The following RC3H1 variants were observed in gnomAD, a reference collection of about 807,000 sequenced individuals.
RC3H1 encodes ring finger and CCCH-type domains 1, also known as roquin-1.
A neutral mutation model predicts 138.2 loss-of-function variants in RC3H1; 50 were observed. The ratio of observed to expected loss-of-function variants is 0.36; its 90% CI spans 0.29 to 0.46. The LOEUF (loss-of-function observed/expected upper bound fraction) is 0.46, where lower values mean the gene tolerates loss of function less well. RC3H1 is among the 20% of genes least tolerant of loss of function. The pLI is 1.00. For missense variants in RC3H1, 1,031 were observed against 1,388.1 expected, an observed-to-expected ratio of 0.74 and a Z score of 4.09; for synonymous variants, 462 against 489.1, an observed-to-expected ratio of 0.94 and a Z score of 0.73.
intron 13 of RC3H1, among the ~76,000 whole-genome samples, chr1:173,956,667 TA>T (rs75866304): frequency 0.026 from 2,232 of 84,874 alleles, 50 homozygotes; most frequent in African/African-American, 0.081. Context: ...CTCAAAAAAT[TA>T]AAAAAAAAAA....
intron 1 of RC3H1, among the ~76,000 whole-genome samples, chr1:173,995,545 AAAAG>A (rs1204187886): frequency 2.6e-5 from 4 of 151,962 alleles, no homozygotes; most frequent in African/African-American, 9.7e-5. Context: ...AAAAAAAAAA[AAAAG>A]AAAAAGAAAA....
At chr1:173,999,214 C>A (rs1047177892) in intron 1 of RC3H1, among the ~76,000 whole-genome samples, 8 of 151,928 alleles carry the variant, frequency 5.3e-5, no homozygotes, top group African/African-American at 1.9e-4. Flanking sequence ...CATAGAGAAA[C>A]CCTGTCTCTA....
chr1:173,936,658 A>C lies in RC3H1; in HGVS notation c.*2063T>G, dbSNP rs1658597148. 1 of 147,556 alleles carries C rather than the reference A, an allele frequency of 6.8e-6. No homozygotes were observed. The highest frequency in any genetic ancestry group is 2.0e-4 in the East Asian group (1 of 5,116). 9.1% of individuals were successfully genotyped at this position (147,556 alleles called of 1,614,324 possible). A position where few individuals can be genotyped will look rare whatever the true frequency, so the allele number is the denominator to read the frequency against. On this transcript the variant is annotated 3_prime_UTR_variant, in exon 20 of 20. Coordinates refer to ENST00000367696, the MANE Select transcript of RC3H1 (RefSeq NM_172071.4). ...CTCCCAATAAACAATAGGCATTTAA[A>C]GTGGAAATGTAAAAGGGTTTTAAGT...
intron 1 of RC3H1, among the ~76,000 whole-genome samples, chr1:174,006,590 A>C (rs1250766707): frequency 6.6e-6 from 1 of 152,132 alleles, no homozygotes; most frequent in African/African-American, 2.4e-5. Flanking sequence ...GTAACTTTTT[A>C]TTATACTTTT....
intron 1 of RC3H1, among the ~76,000 whole-genome samples, chr1:174,002,950 C>T (rs1661586757): frequency 6.6e-6 from 1 of 152,246 alleles, no homozygotes; most frequent in South Asian, 2.1e-4. Context: ...ACTTCCAAAT[C>T]TCTCTCTCAA....
intron 19 of RC3H1, 21 bp from the exon 20 acceptor site, chr1:173,938,892 T>C (rs192005604): frequency 1.2e-4 from 194 of 1,555,930 alleles, no homozygotes; most frequent in Non-Finnish European, 4.3e-6. Context: ...TTTAAAATTT[T>C]GAAAAAGGAG....
intron 7 of RC3H1, among the ~76,000 whole-genome samples, chr1:173,974,277 CAAAAAAAAA>C (rs571801899): frequency 6.4e-4 from 30 of 47,202 alleles, no homozygotes; most frequent in African/African-American, 6.7e-4. Flanking sequence ...GAGACTGTCT[CAAAAAAAAA>C]AAAAAAAAAA....
At chr1:173,974,941 T>G (rs114830493) in intron 7 of RC3H1, among the ~76,000 whole-genome samples, 1,550 of 152,214 alleles carry the variant, frequency 0.01, 20 homozygotes, top group African/African-American at 0.034. Flanking sequence ...AATTTGCTAA[T>G]GGATCAGATA....
chr1:173,993,362 T>C (rs977045965), intron 1 of RC3H1, among the ~76,000 whole-genome samples: 6 of 152,024 alleles, frequency 3.9e-5, no homozygotes, highest in African/African-American at 1.4e-4. Flanking sequence ...AAACTTGAAG[T>C]TAATAATAAA....
chr1:174,021,766 G>A (rs992147264), intron 1 of RC3H1, among the ~76,000 whole-genome samples: 1 of 152,186 alleles, frequency 6.6e-6, no homozygotes, highest in African/African-American at 2.4e-5. Flanking sequence ...CCTGGCCCAG[G>A]CCCTGGGAGT....
At chr1:174,006,561 C>T (rs1004332209) in intron 1 of RC3H1, among the ~76,000 whole-genome samples, 1 of 152,188 alleles carries the variant, frequency 6.6e-6, no homozygotes, top group African/African-American at 2.4e-5. Flanking sequence ...AACACCATGC[C>T]TTCCAACTTT....
At chr1:173,949,346 G>A (rs1659283030) in intron 14 of RC3H1, among the ~76,000 whole-genome samples, 1 of 151,770 alleles carries the variant, frequency 6.6e-6, no homozygotes, top group South Asian at 2.1e-4. Flanking sequence ...TAATAGTGAA[G>A]GCATACCTTT....
At chr1:173,969,327 C>G (rs1660252861) in intron 9 of RC3H1, 1 of 150,032 alleles carries the variant, frequency 6.7e-6, no homozygotes, top group Non-Finnish European at 1.5e-5. Context: ...AAACCTACAG[C>G]ACCCAATATT....
At position 173,946,588 on chromosome 1, in the gene RC3H1, T is replaced by C; in HGVS notation, c.2849A>G (p.Glu950Gly). The change falls in exon 17 of 20, where the codon GAA becomes GGA. Residue 950 changes from glutamate to glycine, a missense_variant. Physicochemically the swap from Glu to Gly is moderately conservative, Grantham distance 98 (BLOSUM62 -2). Coordinates refer to ENST00000367696, the MANE Select transcript of RC3H1 (RefSeq NM_172071.4). ...AAGGGGTTTTCCATGACTGGCCACT[T>C]CTGACATAGATATTCTCTCCCTTTG... ...FSERERISMS[E>G]VASHGKPLPS... The C allele has an allele frequency of 6.2e-7, 1 of 1,614,060 alleles. No individual in the cohort carries two copies. The highest frequency in any genetic ancestry group is 8.5e-7 in the Non-Finnish European group (1 of 1,179,982).
chr1:173,983,636 G>A lies in RC3H1; in HGVS notation c.374C>T (p.Thr125Ile), dbSNP rs529359869. The A allele has an allele frequency of 5.6e-6, 9 of 1,614,126 alleles. No homozygotes were observed. In the Admixed American group the frequency reaches 1.2e-4, roughly 21 times the overall value. ...CATTGGGCGACTCAGAACACTCTGA[G>A]TAGTGCTGTTCAGACCCACTCCTTT... Reference protein sequence around the residue: ...SARGVGLNSTTQSVLSRPMQR... With the variant: ...SARGVGLNSTIQSVLSRPMQR... The change falls in exon 4 of 20, where the codon ACT becomes ATT. Residue 125 changes from threonine (T) to isoleucine (I), a missense_variant. Thr to Ile is a moderately conservative substitution (Grantham distance 89). Transcript: ENST00000367696.
At chr1:173,985,446 A>G (rs539445876) in intron 2 of RC3H1, among the ~76,000 whole-genome samples, 1 of 152,330 alleles carries the variant, frequency 6.6e-6, no homozygotes, top group Admixed American at 6.5e-5. Context: ...GTAGAAAGAT[A>G]ATTCTTCTAC....
intron 17 of RC3H1, among the ~76,000 whole-genome samples, chr1:173,945,856 C>T (rs1012984615): frequency 6.6e-6 from 1 of 151,948 alleles, no homozygotes; most frequent in African/African-American, 2.4e-5. Flanking sequence ...TACAGGTGCA[C>T]ACCACCATGC....
chr1:173,940,495 A>G (rs1658804515), intron 19 of RC3H1, among the ~76,000 whole-genome samples: 1 of 152,118 alleles, frequency 6.6e-6, no homozygotes, highest in Non-Finnish European at 1.5e-5. Context: ...GAAAGATAAT[A>G]TAATACACCA....
At chr1:174,008,668 A>G (rs2009083) in intron 1 of RC3H1, among the ~76,000 whole-genome samples, 43,737 of 151,892 alleles carry the variant, frequency 0.29, 11,252 homozygotes, top group African/African-American at 0.7. Flanking sequence ...TTTGAAACAG[A>G]AATTAAATTG....
Sources: allele counts gnomAD v4.1 joint callset (sites outside exome capture counted in the v4.1 genomes callset), GRCh38; gene constraint gnomAD v4.1.1; transcripts MANE v1.5; gene names NCBI Gene and HGNC (gene_info 2026-07-23, HGNC 2026-07-21).